G3BP2: variants seen among roughly 807,000 people sequenced by gnomAD.
The protein encoded by G3BP2 is ras GTPase-activating protein-binding protein 2.
In G3BP2, 11 loss-of-function variants were observed where a neutral mutation model predicts 56.7. The ratio of observed to expected loss-of-function variants is 0.19; its 90% CI spans 0.12 to 0.32. The LOEUF (loss-of-function observed/expected upper bound fraction) is 0.32, where lower values mean the gene tolerates loss of function less well. Ranked by LOEUF, G3BP2 falls within the 10% of genes least tolerant of loss-of-function variation. The pLI, the probability that G3BP2 is intolerant of heterozygous loss-of-function variation, is 1.00. For synonymous variants in G3BP2, 165 were observed against 191.6 expected, an observed-to-expected ratio of 0.86 and a Z score of 1.15; for missense variants, 340 against 610.9, an observed-to-expected ratio of 0.56 and a Z score of 4.67.
rs1375174908 is a variant in G3BP2, at chr4:75,646,814, C to T, written c.1057+215G>A. Among the ~76,000 whole-genome samples the T allele has an allele frequency of 2.0e-5, 3 of 152,152 alleles. No homozygotes were observed. The East Asian group carries it at 5.8e-4, about 29-fold the overall frequency. ...GATTTATCCAGCTGTTTCTTCTAAA[C>T]ACTACTGAGCCAGGCCAAATCAACA... is the stretch of plus-strand genomic sequence containing the variant. On this transcript the variant is annotated intron_variant, in intron 10 of 11. Transcript: ENST00000359707.
Position 75,655,126 on chromosome 4 carries a change from C to T in G3BP2, c.666G>A (p.Glu222=). 6.2e-7 allele frequency: 1 copy of T among 1,613,550 alleles called. No individual in the cohort carries two copies. ...CCGGAGGAGGAGTAGTAGATTTCTC[C>T]TCTAGTTCTTCTAAGTTCTTCTCCT... The part of the protein sequence containing the change: ...QVEEKNLEEL[E]EKSTTPPPAE... The change falls in exon 7 of 12, where the codon GAG becomes GAA. Residue 222 remains glutamate (E), a synonymous_variant. Coordinates refer to ENST00000359707, the MANE Select transcript of G3BP2 (RefSeq NM_203505.3).
intron 1 of G3BP2, among the ~76,000 whole-genome samples, chr4:75,666,306 G>A (rs1284636937): frequency 1.3e-5 from 2 of 152,166 alleles, no homozygotes; most frequent in African/African-American, 4.8e-5. Context: ...GCAGTAACTT[G>A]AAAAGTTAAC....
intron 3 of G3BP2, chr4:75,694,656 T>C: frequency 2.3e-6 from 1 of 432,188 alleles, no homozygotes; most frequent in Non-Finnish European, 3.1e-6. Flanking sequence ...GAGAATCGCT[T>C]GAATCCGCGA....
At chr4:75,668,076 T>C (rs1366958957) in intron 1 of G3BP2, among the ~76,000 whole-genome samples, 4 of 152,186 alleles carry the variant, frequency 2.6e-5, no homozygotes, top group African/African-American at 7.2e-5. Flanking sequence ...TCACGGAAAA[T>C]TGCTCTATAT....
At position 75,680,781 on chromosome 4, in the gene G3BP2, A is replaced by G. The variant is rs184117274; in HGVS notation, c.-24-18732T>C. 3.9e-3 allele frequency among the ~76,000 whole-genome samples: 591 copies of G among 152,108 alleles called. 12 individuals are homozygous for G. The highest frequency in any genetic ancestry group is 0.028 in the South Asian group (137 of 4,814). On this transcript the variant is annotated intron_variant, in intron 3 of 3. Transcript: ENST00000499709. ...AGAAATCAAGACCATCCTGGCCAAC[A>G]TGGTGAAACCCCATCTGTACTAAAA... is the stretch of plus-strand genomic sequence containing the variant.
chr4:75,674,725 T>TATATATATATATATATACA (rs55890020), upstream of G3BP2, among the ~76,000 whole-genome samples: 3 of 86,588 alleles, frequency 3.5e-5, no homozygotes, highest in Admixed American at 1.6e-4. Context: ...TATATTTTTT[T>TATATATATATATATATACA]TTTTTTTTTT....
intron 8 of G3BP2, among the ~76,000 whole-genome samples, chr4:75,649,483 A>T (rs1243978622): frequency 6.6e-6 from 1 of 152,200 alleles, no homozygotes; most frequent in Non-Finnish European, 1.5e-5. Context: ...GCCTCCCAAA[A>T]GTTTCTGCCA....
In G3BP2 at chr4:75,645,717, AG is replaced by A; in HGVS notation, c.1177-16del. The A allele has an allele frequency of 6.2e-7, 1 of 1,610,418 alleles. No homozygotes were observed. On this transcript the variant is annotated splice_polypyrimidine_tract_variant and intron_variant, in intron 11 of 11. Transcript: ENST00000359707. ...AACATAATCGGCTTTATAAAAGAGA[AG>A]AAAAATATTTACATGGGCAGGTTAG...
At chr4:75,713,471 T>C (rs573324511) in intron 3 of G3BP2, among the ~76,000 whole-genome samples, 1 of 152,186 alleles carries the variant, frequency 6.6e-6, no homozygotes, top group Non-Finnish European at 1.5e-5. Context: ...TAGACAGTAC[T>C]TTAAACTATT....
At chr4:75,658,775 G>C in intron 3 of G3BP2, 68 bp downstream of exon 3, 1 of 936,576 alleles carries the variant, frequency 1.1e-6, no homozygotes, top group Non-Finnish European at 1.8e-6. Context: ...ATGGACACAA[G>C]AAGGCTATTT....
intron 8 of G3BP2, 60 bp downstream of exon 8, chr4:75,653,923 A>T (rs577164746): frequency 1.3e-6 from 1 of 774,712 alleles, no homozygotes; most frequent in African/African-American, 1.7e-5. Flanking sequence ...AAAGTATTTT[A>T]AAAATAAGCA....
intron 3 of G3BP2, chr4:75,694,989 G>A: frequency 1.1e-6 from 1 of 949,110 alleles, no homozygotes; most frequent in Non-Finnish European, 1.3e-6. Context: ...AAGACCCGAT[G>A]AATATCCGGG....
At chr4:75,658,776 A>G (rs1196235533) in intron 3 of G3BP2, 67 bp downstream of exon 3, 11 of 949,082 alleles carry the variant, frequency 1.2e-5, no homozygotes, top group South Asian at 5.3e-5. Flanking sequence ...TGGACACAAG[A>G]AGGCTATTTT....
At chr4:75,720,973 C>CAA (rs143804378) in intron 2 of G3BP2, among the ~76,000 whole-genome samples, 18,518 of 69,200 alleles carry the variant, frequency 0.27, 2,112 homozygotes, top group Non-Finnish European at 0.32. Flanking sequence ...TTCATCTCTA[C>CAA]AAAAAAAAAA....
Position 75,681,397 on chromosome 4 carries a change from T to C in G3BP2, c.-24-19348A>G, listed in dbSNP as rs141415422. On this transcript the variant is annotated intron_variant, in intron 3 of 3. Coordinates refer to the G3BP2 transcript ENST00000499709. ...AAGGATATATAGTAGTCCCCCCTTA[T>C]CTGCAGAGGGTACATTCCAGGACCC... Among the ~76,000 whole-genome samples, 234 of 152,188 alleles carry C rather than the reference T, an allele frequency of 1.5e-3. 1 individual carries two copies. Among genetic ancestry groups the C allele is most frequent in the Non-Finnish European group, 2.9e-3 (195 of 68,002 alleles).
At chr4:75,706,541 G>C (rs1719552403) in intron 3 of G3BP2, among the ~76,000 whole-genome samples, 1 of 152,060 alleles carries the variant, frequency 6.6e-6, no homozygotes, top group African/African-American at 2.4e-5. Context: ...GCGGGGCGTG[G>C]TGGCGCATGC....
intron 3 of G3BP2, among the ~76,000 whole-genome samples, chr4:75,700,870 C>T (rs1183145423): frequency 2.0e-5 from 3 of 151,978 alleles, no homozygotes; most frequent in African/African-American, 7.3e-5. Context: ...TGGAGTTTCA[C>T]TCTTGTTGAC....
chr4:75,703,309 C>T (rs540651319), intron 3 of G3BP2, among the ~76,000 whole-genome samples: 1 of 152,262 alleles, frequency 6.6e-6, no homozygotes, highest in South Asian at 2.1e-4. Context: ...GTGATGAGAA[C>T]CAGACAGCAC....
chr4:75,672,529 G>C (rs1359040499), intron 1 of G3BP2: 1 of 152,298 alleles, frequency 6.6e-6, no homozygotes, highest in African/African-American at 2.4e-5. Flanking sequence ...GAACACGTTC[G>C]GATTAAACCC....
Sources: gnomAD v4.1 joint callset for allele counts (sites outside exome capture counted in the v4.1 genomes callset) on GRCh38, gnomAD v4.1.1 for gene constraint, MANE v1.5 for transcripts, NCBI Gene and HGNC (gene_info 2026-07-23, HGNC 2026-07-21) for gene names.